SLC22A12: variants seen among roughly 807,000 people sequenced by gnomAD.
SLC22A12 encodes the protein organic anion transporter 4-like protein.
In SLC22A12, 56 loss-of-function variants were observed where a neutral mutation model predicts 52.7. The observed-to-expected ratio is 1.06, with a 90% CI of 0.86 to 1.33. The LOEUF is 1.33. SLC22A12 is among the 40% of genes most tolerant of loss of function. The pLI is 0.00. For missense variants in SLC22A12, 683 were observed against 741.5 expected, an observed-to-expected ratio of 0.92 and a Z score of 0.92; for synonymous variants, 337 against 324.6, an observed-to-expected ratio of 1.04 and a Z score of -0.41.
intron 4 of SLC22A12, among the ~76,000 whole-genome samples, chr11:64,596,245 G>GGATGGTC (rs2039216914): frequency 1.6e-5 from 1 of 62,508 alleles, no homozygotes; most frequent in Admixed American, 1.4e-4. Context: ...ATGGATGGAT[G>GGATGGTC]GAATGGATGG....
rs745333173 is a variant in SLC22A12, at chr11:64,592,773, C to T, written c.403-6C>T. ...TCCTGAGCTCAGCCTCCTCCTCTCC[C>T]ATCAGTGGAACCTCGTGTGTGACTC... On this transcript the variant is annotated splice_polypyrimidine_tract_variant and splice_region_variant and intron_variant, in intron 1 of 9. Coordinates refer to ENST00000377574, the MANE Select transcript of SLC22A12 (RefSeq NM_144585.4). 3.1e-6 allele frequency: 5 copies of T among 1,611,076 alleles called. No individual in the cohort carries two copies. Among genetic ancestry groups the T allele is most frequent in the Middle Eastern group, 1.6e-4 (1 of 6,078 alleles).
At position 64,598,900 on chromosome 11, in the gene SLC22A12, G is replaced by C. The variant is rs750475714; in HGVS notation, c.1047G>C (p.Arg349=). Residue 349 remains arginine, a synonymous_variant, in exon 6 of 10, where the codon CGG becomes CGC. Coordinates refer to ENST00000377574, the MANE Select transcript of SLC22A12 (RefSeq NM_144585.4). The part of the protein sequence containing the change: ...TLLRMPGLRF[R]TCISTLCWFA... ...TCCGCATGCCCGGACTGCGCTTCCGGACCTGTATCTCCACGTTGTGCTGGT... is the reference window on the plus strand; with the variant it reads ...TCCGCATGCCCGGACTGCGCTTCCGCACCTGTATCTCCACGTTGTGCTGGT... 126 of 1,612,800 alleles carry C rather than the reference G, an allele frequency of 7.8e-5. No individual in the cohort carries two copies. Among genetic ancestry groups the C allele is most frequent in the Non-Finnish European group, 1.0e-4 (123 of 1,179,990 alleles).
At chr11:64,598,236 T>C (rs1591399464) in intron 4 of SLC22A12, among the ~76,000 whole-genome samples, 1 of 151,730 alleles carries the variant, frequency 6.6e-6, no homozygotes, top group Admixed American at 6.6e-5. Context: ...GCAGGAAGGG[T>C]TCCACAGAGT....
chr11:64,601,569 G>A lies in SLC22A12; in HGVS notation c.*18G>A, dbSNP rs781270198. On this transcript the variant is annotated 3_prime_UTR_variant, in exon 10 of 10. Coordinates refer to ENST00000377574, the MANE Select transcript of SLC22A12 (RefSeq NM_144585.4). ...AGTTTTAGCCTCCTGGGGAACCTGCGATGGGACGGTCAGAGGAAGAGACTT... is the reference window on the plus strand; with the variant it reads ...AGTTTTAGCCTCCTGGGGAACCTGCAATGGGACGGTCAGAGGAAGAGACTT... 16 of 1,613,280 alleles carry A rather than the reference G, an allele frequency of 9.9e-6. No homozygotes were observed. The highest frequency in any genetic ancestry group is 3.3e-5 in the South Asian group (3 of 91,038).
At position 64,591,883 on chromosome 11, in the gene SLC22A12, C is replaced by T. The variant is rs371053482; in HGVS notation, c.327C>T (p.Ser109=). 599 of 1,612,452 alleles carry T rather than the reference C, an allele frequency of 3.7e-4. 1 individual carries two copies. Among genetic ancestry groups the T allele is most frequent in the Non-Finnish European group, 4.7e-4 (557 of 1,180,040 alleles). ...CCAATGCCACGGCCACCAGCTGGAG[C>T]GAGGCCGACACGGAGCCGTGTGTGG... ...LDPNATATSW[S]EADTEPCVDG... is the part of the protein sequence containing the mutation. The change falls in exon 1 of 10, where the codon AGC becomes AGT. Residue 109 remains serine, a synonymous_variant. Transcript: ENST00000377574.
chr11:64,595,845 A>ATGGATGGG (rs2039168709), intron 4 of SLC22A12, among the ~76,000 whole-genome samples: 1 of 147,676 alleles, frequency 6.8e-6, no homozygotes, highest in Non-Finnish European at 1.5e-5. Flanking sequence ...GGATGGATGG[A>ATGGATGGG]TGGATGGATG....
At chr11:64,595,029 T>G (rs2039074269) in intron 4 of SLC22A12, among the ~76,000 whole-genome samples, 1 of 18,778 alleles carries the variant, frequency 5.3e-5, no homozygotes, top group Admixed American at 1.0e-3. Context: ...ATGGTTGGAA[T>G]AGATGGATGG....
Position 64,599,688 on chromosome 11 carries a change from C to T in SLC22A12, c.1083C>T (p.Gly361=), listed in dbSNP as rs368451526. Residue 361 remains glycine, a synonymous_variant, in exon 7 of 10, where the codon GGC becomes GGT. Coordinates refer to ENST00000377574, the MANE Select transcript of SLC22A12 (RefSeq NM_144585.4). ...ACCCCTGCCCCAGGTTCGCCTTTGG[C>T]TTCACCTTCTTCGGCCTGGCCCTGG... ...CISTLCWFAF[G]FTFFGLALDL... 4.4e-5 allele frequency: 65 copies of T among 1,461,378 alleles called. No homozygotes were observed. Among genetic ancestry groups the T allele is most frequent in the Non-Finnish European group, 5.7e-5 (62 of 1,082,634 alleles). The allele number at this position is 1,461,378 out of a possible 1,614,324, so 90.5% of individuals were successfully genotyped here. A position where few individuals can be genotyped will look rare whatever the true frequency, so the allele number is the denominator to read the frequency against.
chr11:64,596,853 G>C (rs2039262981), intron 4 of SLC22A12, among the ~76,000 whole-genome samples: 1 of 152,170 alleles, frequency 6.6e-6, no homozygotes, highest in African/African-American at 2.4e-5. Context: ...TGCTGATGCA[G>C]GGCCACAGAG....
chr11:64,591,614 C>T lies in SLC22A12; in HGVS notation c.58C>T (p.Gln20Ter). ...VGGLGRFQVL[Q>*]TMALMVSIMW... ...TGGCCTGGGCAGGTTCCAGGTTCTC[C>T]AGACGATGGCTCTGATGGTCTCCAT... The change falls in exon 1 of 10, where the codon CAG becomes TAG. Residue 20 changes from glutamine (Q) to a stop codon, truncating the protein, a stop_gained. Transcript: ENST00000377574. LOFTEE classifies it high-confidence loss of function. The T allele has an allele frequency of 6.2e-7, 1 of 1,613,238 alleles. No individual in the cohort carries two copies. The highest frequency in any genetic ancestry group is 8.5e-7 in the Non-Finnish European group (1 of 1,180,010).
chr11:64,592,701 G>T (rs2135442238), intron 1 of SLC22A12, 78 bp from the exon 2 acceptor site: 1 of 1,197,184 alleles, frequency 8.4e-7, no homozygotes, highest in Non-Finnish European at 1.2e-6. Flanking sequence ...CTCCCTGGGG[G>T]CCCTCCCATG....
chr11:64,601,139 G>C (rs1345571210), intron 9 of SLC22A12, among the ~76,000 whole-genome samples: 4 of 152,166 alleles, frequency 2.6e-5, no homozygotes, highest in Non-Finnish European at 4.4e-5. Flanking sequence ...CTTTGACCTA[G>C]GGCTTTGTCC....
At position 64,601,869 on chromosome 11, in the gene SLC22A12, C is replaced by T. The variant is rs1342430274; in HGVS notation, c.*318C>T. The T allele has an allele frequency of 2.5e-6, 1 of 397,174 alleles. No homozygotes were observed. The highest frequency in any genetic ancestry group is 4.8e-6 in the Non-Finnish European group (1 of 208,314). 24.6% of individuals were successfully genotyped at this position (397,174 alleles called of 1,614,324 possible). A position where few individuals can be genotyped will look rare whatever the true frequency, so the allele number is the denominator to read the frequency against. ...GGAACGAGCTGGCCTTGCCAACCCT[C>T]TGCTTGACTCCGCACTGCCACTTGT... On this transcript the variant is annotated 3_prime_UTR_variant, in exon 10 of 10. Coordinates refer to ENST00000377574, the MANE Select transcript of SLC22A12 (RefSeq NM_144585.4).
chr11:64,593,018 G>GTGGTCGCCGTATCATTAAAA, intron 2 of SLC22A12, 136 bp downstream of exon 2: 1 of 779,762 alleles, frequency 1.3e-6, no homozygotes, highest in South Asian at 1.6e-5. Flanking sequence ...GTGGGTCTCG[G>GTGGTCGCCGTATCATTAAAA]ACCAGCCACC....
chr11:64,600,741 G>A lies in SLC22A12; in HGVS notation c.1401G>A (p.Thr467=), dbSNP rs368443880. ...GGTGCATCTGCATTGGCAGGATGAC[G>A]GCAGTGGGCTTGGGCCAGATGGCAG... The part of the protein sequence containing the change: ...SELFPTVLRM[T]AVGLGQMAAR... The change falls in exon 9 of 10, where the codon ACG becomes ACA. Residue 467 remains threonine (T), a synonymous_variant. Coordinates refer to ENST00000377574, the MANE Select transcript of SLC22A12 (RefSeq NM_144585.4). 58 of 1,604,732 alleles carry A rather than the reference G, an allele frequency of 3.6e-5. No individual in the cohort carries two copies. Among genetic ancestry groups the A allele is most frequent in the South Asian group, 1.1e-4 (10 of 91,080 alleles).
chr11:64,602,144 C>A lies in SLC22A12; in HGVS notation c.*593C>A, dbSNP rs1283076533. On this transcript the variant is annotated 3_prime_UTR_variant, in exon 10 of 10. Coordinates refer to ENST00000377574, the MANE Select transcript of SLC22A12 (RefSeq NM_144585.4). ...CACTTAACCCCCAAACCCAGCCCCCCTTCCAGGGGTCCAGGGCCAGCCTGA... is the reference window on the plus strand; with the variant it reads ...CACTTAACCCCCAAACCCAGCCCCCATTCCAGGGGTCCAGGGCCAGCCTGA... 4 of 176,132 alleles carry A rather than the reference C, an allele frequency of 2.3e-5. No homozygotes were observed. The highest frequency in any genetic ancestry group is 7.1e-5 in the African/African-American group (3 of 41,972). The allele number at this position is 176,132 out of a possible 1,614,324, so 10.9% of individuals were successfully genotyped here.
In SLC22A12 at chr11:64,600,948, C is replaced by T. The variant is rs777791211; in HGVS notation, c.1598+10C>T. 1.2e-6 allele frequency: 2 copies of T among 1,606,260 alleles called. No homozygotes were observed. Among genetic ancestry groups the T allele is most frequent in the African/African-American group, 2.7e-5 (2 of 74,886 alleles). On this transcript the variant is annotated intron_variant, in intron 9 of 9. Transcript: ENST00000377574. The stretch of plus-strand genomic sequence containing the variant: ...AAGATGTGCAGAACCAGTGAGTGGA[C>T]CCAGCCTCGGGACCACCCCTCCCTC...
intron 8 of SLC22A12, 115 bp from the exon 9 acceptor site, chr11:64,600,620 C>A: frequency 6.6e-7 from 1 of 1,507,160 alleles, no homozygotes; most frequent in Non-Finnish European, 9.0e-7. Flanking sequence ...CAGGTGCATC[C>A]CAAGCCCAGC....
chr11:64,592,102 A>G (rs2038937311), intron 1 of SLC22A12, 144 bp downstream of exon 1: 1 of 1,344,130 alleles, frequency 7.4e-7, no homozygotes. Context: ...GCCCCTCGTC[A>G]GCCACACACA....
Sources: allele counts gnomAD v4.1 joint callset (sites outside exome capture counted in the v4.1 genomes callset), GRCh38; gene constraint gnomAD v4.1.1; transcripts MANE v1.5; gene names NCBI Gene and HGNC (gene_info 2026-07-23, HGNC 2026-07-21).